MBD1: variants seen among roughly 807,000 people sequenced by gnomAD.
The protein encoded by MBD1 is methyl-CpG-binding domain protein 1.
A neutral mutation model predicts 82.6 loss-of-function variants in MBD1; 25 were observed. The observed-to-expected ratio is 0.30, with a 90% CI of 0.22 to 0.42. The LOEUF is 0.42. Among genes scored for constraint, MBD1 ranks in the 10% least tolerant of loss-of-function variants. The pLI is 1.00. For synonymous variants in MBD1, 301 were observed against 303.7 expected (o/e 0.99, Z 0.09); for missense variants, 627 against 819.6 (o/e 0.76, Z 2.87).
downstream of MBD1, chr18:50,267,337 A>G (rs577006701): frequency 2.1e-6 from 1 of 477,148 alleles, no homozygotes; most frequent in African/African-American, 1.9e-5. Context: ...CAAACCAAAT[A>G]ACCAGTAATA....
intron 15 of MBD1, among the ~76,000 whole-genome samples, chr18:50,272,272 G>A (rs766915061): frequency 2.6e-4 from 40 of 152,142 alleles, no homozygotes; most frequent in Non-Finnish European, 5.9e-4. Context: ...CTCAATGTCA[G>A]GCAACAGCCC....
At chr18:50,270,083 T>C (rs535538635) in intron 16 of MBD1, 3 of 1,598,170 alleles carry the variant, frequency 1.9e-6, no homozygotes, top group African/African-American at 1.3e-5. Flanking sequence ...GGGTGGTTGG[T>C]TCCTGGGGGA....
chr18:50,271,053 T>C, intron 16 of MBD1: 1 of 1,018,790 alleles, frequency 9.8e-7, no homozygotes, highest in Non-Finnish European at 1.2e-6. Context: ...AGCAGTTCCT[T>C]TCCTTATTTA....
intron 10 of MBD1, 99 bp from the exon 11 acceptor site, chr18:50,274,452 A>G (rs1003138163): frequency 1.5e-6 from 2 of 1,309,584 alleles, no homozygotes; most frequent in African/African-American, 2.9e-5. Context: ...CTAGCCCCAT[A>G]AGACGGAGCT....
rs765852436 is a variant in MBD1, at chr18:50,269,854, C to T, written c.*33-36G>A. ...CAGCATTAGATGCAAAGACAACAGC[C>T]TTACAGAGACTGTTTAACCAGCTCC... On this transcript the variant is annotated intron_variant, in intron 16 of 16. Coordinates refer to ENST00000269468, the MANE Select transcript of MBD1 (RefSeq NM_015846.4). 3.5e-6 allele frequency: 3 copies of T among 853,312 alleles called. No individual in the cohort carries two copies. In the Admixed American group the frequency reaches 5.1e-5, roughly 14 times the overall value. The allele number at this position is 853,312 out of a possible 1,614,324, so 52.9% of individuals were successfully genotyped here. A position where few individuals can be genotyped will look rare whatever the true frequency, so the allele number is the denominator to read the frequency against.
chr18:50,270,623 A>G, intron 16 of MBD1: 1 of 321,066 alleles, frequency 3.1e-6, no homozygotes, highest in Non-Finnish European at 6.2e-6. Context: ...GGGGAGATAT[A>G]TCCTGTAGGG....
In MBD1 at chr18:50,275,163, G is replaced by A. The variant is rs541228622; in HGVS notation, c.875C>T (p.Pro292Leu). 1 of 1,614,154 alleles carries A rather than the reference G, an allele frequency of 6.2e-7. No homozygotes were observed. Among genetic ancestry groups the A allele is most frequent in the African/African-American group, 1.3e-5 (1 of 75,064 alleles). Residue 292 changes from proline to leucine, a missense_variant, in exon 9 of 17, where the codon CCA becomes CTA. Physicochemically the swap from Pro to Leu is moderately conservative, Grantham distance 98. Around this residue, in one of 6 missense-constraint regions of MBD1, gnomAD observed 228 missense variants for 318.1 expected, o/e 0.72. Transcript: ENST00000269468. ...RRPGAQPLPP[P>L]PPSQSPEPTE... ...GGGCTCTGGGGACTGTGATGGGGGT[G>A]GTGGAGGCAGTGGCTGGGCTCCGGG... is the stretch of plus-strand genomic sequence containing the variant.
intron 1 of MBD1, 32 bp downstream of exon 1, chr18:50,281,331 G>T (rs2040205236): frequency 3.7e-6 from 4 of 1,084,528 alleles, no homozygotes; most frequent in Non-Finnish European, 5.4e-6. Context: ...CCGCCTGAGC[G>T]CTCTCCACGT....
At chr18:50,271,107 G>C in intron 16 of MBD1, 9 of 1,102,108 alleles carry the variant, frequency 8.2e-6, no homozygotes, top group Non-Finnish European at 8.9e-6. Flanking sequence ...GAAGTATGTA[G>C]AGACACTGCC....
At chr18:50,268,499 C>T (rs1371514769), downstream of MBD1, among the ~76,000 whole-genome samples, 2 of 152,256 alleles carry the variant, frequency 1.3e-5, no homozygotes, top group Non-Finnish European at 2.9e-5. Flanking sequence ...CTGGGGTTTG[C>T]GCCGGACGGA....
At chr18:50,277,032 T>C (rs2038195347) in intron 3 of MBD1, 34 bp from the exon 4 acceptor site, 2 of 1,614,116 alleles carry the variant, frequency 1.2e-6, no homozygotes, top group Non-Finnish European at 1.7e-6. Context: ...TATGGGTCAG[T>C]GGTTGGGTGT....
chr18:50,274,902 C>T, intron 10 of MBD1, 75 bp downstream of exon 10: 2 of 1,488,014 alleles, frequency 1.3e-6, no homozygotes, highest in Middle Eastern at 1.7e-4. Flanking sequence ...TAGGCTCATT[C>T]CAGCATCTGC....
chr18:50,267,201 AGT>A (rs1481280720), downstream of MBD1: 1 of 170,014 alleles, frequency 5.9e-6, no homozygotes, highest in East Asian at 1.6e-4. Context: ...GGCCTCCCAA[AGT>A]GTTGGAATTA....
At chr18:50,277,282 G>T in intron 2 of MBD1, 78 bp from the exon 3 acceptor site, 1 of 1,174,350 alleles carries the variant, frequency 8.5e-7, no homozygotes, top group Non-Finnish European at 1.3e-6. Context: ...GACAGGGCTG[G>T]CAGGATATAG....
At chr18:50,280,512 C>T (rs530723839) in intron 1 of MBD1, among the ~76,000 whole-genome samples, 3 of 152,028 alleles carry the variant, frequency 2.0e-5, no homozygotes, top group African/African-American at 7.2e-5. Context: ...TCCTAATTTC[C>T]CTCCTTCAGT....
Position 50,274,174 on chromosome 18 carries a change from T to C in MBD1, c.1146+12A>G. The C allele has an allele frequency of 6.2e-7, 1 of 1,613,790 alleles. No homozygotes were observed. Among genetic ancestry groups the C allele is most frequent in the South Asian group, 1.1e-5 (1 of 91,064 alleles). The stretch of plus-strand genomic sequence containing the variant: ...CCTATCCCGTCCACCTGACCCTTCC[T>C]GCCCCACCCACCATGGCAAACTGCA... On this transcript the variant is annotated intron_variant, in intron 11 of 16. Coordinates refer to ENST00000269468, the MANE Select transcript of MBD1 (RefSeq NM_015846.4).
downstream of MBD1, among the ~76,000 whole-genome samples, chr18:50,268,613 G>A (rs1355631557): frequency 6.6e-6 from 1 of 152,218 alleles, no homozygotes; most frequent in Non-Finnish European, 1.5e-5. Context: ...TTCTCGCCCC[G>A]GCGCCCCCTG....
chr18:50,271,950 A>T (rs571889983), intron 15 of MBD1, among the ~76,000 whole-genome samples: 1 of 152,226 alleles, frequency 6.6e-6, no homozygotes, highest in African/African-American at 2.4e-5. Context: ...GGGTCTGTCA[A>T]TATTCTGCAG....
chr18:50,272,724 G>A lies in MBD1; in HGVS notation c.1731C>T (p.Phe577=), dbSNP rs1249335107. ...CTCGGAAGCGGGTTCCACCCAGGCT[G>A]AAAATCTCCGTGATCTAGAGAAGAA... is the stretch of plus-strand genomic sequence containing the variant. The part of the protein sequence containing the change: ...GAGTPVITEI[F]SLGGTRFRDT... Residue 577 remains phenylalanine, a synonymous_variant, in exon 15 of 17, where the codon TTC becomes TTT. Transcript: ENST00000269468. 15 of 1,614,078 alleles carry A rather than the reference G, an allele frequency of 9.3e-6. No individual in the cohort carries two copies. The highest frequency in any genetic ancestry group is 1.3e-5 in the Non-Finnish European group (15 of 1,180,052).
Sources: gnomAD v4.1 joint callset for allele counts (sites outside exome capture counted in the v4.1 genomes callset) on GRCh38, gnomAD v4.1.1 for gene constraint, gnomAD v4.1.1 regional missense constraint, MANE v1.5 for transcripts, NCBI Gene and HGNC (gene_info 2026-07-23, HGNC 2026-07-21) for gene names.